CYP3A5: variants seen among roughly 807,000 people sequenced by gnomAD.
CYP3A5 encodes cytochrome P450 3A5.
A neutral mutation model predicts 55.9 loss-of-function variants in CYP3A5; 51 were observed. The ratio of observed to expected loss-of-function variants is 0.91; its 90% CI spans 0.73 to 1.15. The LOEUF (loss-of-function observed/expected upper bound fraction) is 1.15, where lower values mean the gene tolerates loss of function less well. Ranked by LOEUF, CYP3A5 falls within the 50% of genes most tolerant of loss-of-function variation. CYP3A5 has a pLI of 0.00. For synonymous variants in CYP3A5, 196 were observed against 213.9 expected, an observed-to-expected ratio of 0.92 and a Z score of 0.73; for missense variants, 533 against 596.6, an observed-to-expected ratio of 0.89 and a Z score of 1.11.
At chr7:99,658,882 G>A (rs889063154) in intron 10 of CYP3A5, 2 of 152,144 alleles carry the variant, frequency 1.3e-5, no homozygotes, top group Non-Finnish European at 1.5e-5. Context: ...ATTGGCTACT[G>A]AGGCTTGTGC....
intron 10 of CYP3A5, 135 bp downstream of exon 10, chr7:99,660,364 C>T: frequency 7.0e-7 from 1 of 1,426,878 alleles, no homozygotes. Flanking sequence ...TTTTTCTCCT[C>T]AGAGGCTTCC....
chr7:99,673,740 T>G (rs1185845077), intron 3 of CYP3A5, among the ~76,000 whole-genome samples: 1 of 152,178 alleles, frequency 6.6e-6, no homozygotes, highest in Non-Finnish European at 1.5e-5. Flanking sequence ...GCCATGCATT[T>G]ATGAGCACAT....
chr7:99,655,755 T>C (rs990351570), intron 10 of CYP3A5, among the ~76,000 whole-genome samples: 1 of 152,222 alleles, frequency 6.6e-6, no homozygotes, highest in African/African-American at 2.4e-5. Context: ...TTTATTTCAT[T>C]GAGCAGTGGT....
chr7:99,667,178 A>G, intron 4 of CYP3A5, 113 bp from the exon 5 acceptor site: 1 of 857,270 alleles, frequency 1.2e-6, no homozygotes, highest in Non-Finnish European at 1.6e-6. Flanking sequence ...ACTGTATATG[A>G]TATTATGGCA....
At chr7:99,674,456 G>T in intron 3 of CYP3A5, 77 bp downstream of exon 3, 1 of 1,152,358 alleles carries the variant, frequency 8.7e-7, no homozygotes, top group Non-Finnish European at 1.3e-6. Flanking sequence ...ATGAAGACCT[G>T]GGCAGAGACT....
In CYP3A5 at chr7:99,661,704, T is replaced by C. The variant is rs375985112; in HGVS notation, c.866-1045A>G. Among the ~76,000 whole-genome samples, 14 of 152,314 alleles carry C rather than the reference T, an allele frequency of 9.2e-5. No homozygotes were observed. The East Asian group carries it at 2.1e-3, about 23-fold the overall frequency. ...ATGAGTGTGAGAAAGGTCTACAGAG[T>C]TCTGATTTATCAGTGAATATTTCTG... On this transcript the variant is annotated intron_variant, in intron 9 of 12. Coordinates refer to ENST00000222982, the MANE Select transcript of CYP3A5 (RefSeq NM_000777.5).
At chr7:99,661,382 A>G (rs1216663348) in intron 9 of CYP3A5, among the ~76,000 whole-genome samples, 1 of 152,212 alleles carries the variant, frequency 6.6e-6, no homozygotes, top group Non-Finnish European at 1.5e-5. Flanking sequence ...CAGGCAATAC[A>G]AGATCTAGGG....
At chr7:99,666,032 A>G (rs1040103063) in intron 6 of CYP3A5, among the ~76,000 whole-genome samples, 5 of 152,254 alleles carry the variant, frequency 3.3e-5, no homozygotes, top group Non-Finnish European at 1.5e-5. Context: ...TCGTTCCTGC[A>G]TAATTGAAGC....
intron 11 of CYP3A5, among the ~76,000 whole-genome samples, chr7:99,651,343 A>G (rs981800216): frequency 5.3e-5 from 8 of 152,212 alleles, no homozygotes; most frequent in African/African-American, 1.9e-4. Flanking sequence ...TATAAATCAT[A>G]TGAATTTCTC....
At chr7:99,652,231 T>G (rs1809265192) in intron 11 of CYP3A5, 2 of 156,872 alleles carry the variant, frequency 1.3e-5, no homozygotes, top group South Asian at 3.9e-4. Context: ...GTGGATAGTT[T>G]CCTGTTAAAT....
intron 8 of CYP3A5, 65 bp downstream of exon 8, chr7:99,663,903 C>T (rs1238256076): frequency 1.3e-6 from 2 of 1,524,116 alleles, no homozygotes. Flanking sequence ...CATGCTCTAT[C>T]ATGTGTATAA....
intron 9 of CYP3A5, among the ~76,000 whole-genome samples, chr7:99,661,392 G>A (rs1339565385): frequency 1.3e-5 from 2 of 152,162 alleles, no homozygotes; most frequent in Non-Finnish European, 2.9e-5. Context: ...AAGATCTAGG[G>A]TACAGTTCTC....
At chr7:99,660,710 C>G in intron 9 of CYP3A5, 51 bp from the exon 10 acceptor site, 1 of 1,594,548 alleles carries the variant, frequency 6.3e-7, no homozygotes, top group Non-Finnish European at 8.6e-7. Flanking sequence ...CGTACAACAT[C>G]ACAGCTTAGA....
At chr7:99,652,072 G>A (rs1809247432) in intron 11 of CYP3A5, among the ~76,000 whole-genome samples, 1 of 151,944 alleles carries the variant, frequency 6.6e-6, no homozygotes, top group African/African-American at 2.4e-5. Context: ...GAGAGCTAAA[G>A]GGCACAGCAT....
intron 12 of CYP3A5, 33 bp downstream of exon 12, chr7:99,650,040 A>G (rs1432431048): frequency 6.2e-7 from 1 of 1,611,254 alleles, no homozygotes; most frequent in Admixed American, 1.7e-5. Flanking sequence ...AGTTAAAAAA[A>G]TTCTTAATAA....
chr7:99,655,200 TTA>T (rs1012925423), intron 10 of CYP3A5, among the ~76,000 whole-genome samples: 12 of 152,266 alleles, frequency 7.9e-5, no homozygotes, highest in African/African-American at 2.9e-4. Flanking sequence ...TCTAGGGTTT[TTA>T]TGGTTTTAGG....
At chr7:99,664,258 A>G (rs895471699) in intron 7 of CYP3A5, among the ~76,000 whole-genome samples, 163 bp from the exon 8 acceptor site, 1 of 152,230 alleles carries the variant, frequency 6.6e-6, no homozygotes, top group Non-Finnish European at 1.5e-5. Flanking sequence ...CCGGCGACTG[A>G]GCAAGGGCAG....
chr7:99,667,611 T>C (rs1245332372), intron 4 of CYP3A5, among the ~76,000 whole-genome samples: 1 of 152,230 alleles, frequency 6.6e-6, no homozygotes, highest in African/African-American at 2.4e-5. Flanking sequence ...TCTTAATTTT[T>C]TATTCCATAA....
intron 9 of CYP3A5, among the ~76,000 whole-genome samples, chr7:99,661,471 T>G (rs565428445): frequency 6.6e-6 from 1 of 152,338 alleles, no homozygotes; most frequent in Non-Finnish European, 1.5e-5. Context: ...GGTGATTGAC[T>G]GTAGTCTGAT....
Sources: allele counts gnomAD v4.1 joint callset (sites outside exome capture counted in the v4.1 genomes callset), GRCh38; gene constraint gnomAD v4.1.1; transcripts MANE v1.5; gene names NCBI Gene and HGNC (gene_info 2026-07-23, HGNC 2026-07-21).